CADPS: variants seen among roughly 807,000 people sequenced by gnomAD.
The protein encoded by CADPS is calcium-dependent secretion activator 1.
Under a neutral mutation model 167.3 loss-of-function variants are expected in CADPS, and 57 were observed. The observed-to-expected ratio is 0.34, with a 90% CI of 0.28 to 0.42. The LOEUF (loss-of-function observed/expected upper bound fraction) is 0.42, where lower values mean the gene tolerates loss of function less well. CADPS is among the 20% of genes least tolerant of loss of function. CADPS has a pLI of 1.00. For missense variants in CADPS, 1,414 were observed against 1,738.1 expected (o/e 0.81, Z 3.32); for synonymous variants, 676 against 635.3 (o/e 1.06, Z -0.96).
intron 21 of CADPS, among the ~76,000 whole-genome samples, chr3:62,482,705 G>T (rs1047329359): frequency 3.9e-5 from 6 of 152,180 alleles, no homozygotes; most frequent in Non-Finnish European, 5.9e-5. Flanking sequence ...TTGGAAGTGG[G>T]ACAGACACTG....
intron 3 of CADPS, among the ~76,000 whole-genome samples, chr3:62,696,707 C>A (rs940140381): frequency 6.6e-6 from 1 of 152,008 alleles, no homozygotes; most frequent in Non-Finnish European, 1.5e-5. Context: ...GCTAACAATT[C>A]TTGATGTTCG....
chr3:62,417,848 C>A lies in CADPS; in HGVS notation c.3778-14663G>T, dbSNP rs922096231. 1.6e-3 allele frequency among the ~76,000 whole-genome samples: 231 copies of A among 140,528 alleles called. 1 individual carries two copies. The highest frequency in any genetic ancestry group is 5.9e-3 in the East Asian group (28 of 4,708). 92.2% of individuals were successfully genotyped at this position (140,528 alleles called of 152,430 possible). A position where few individuals can be genotyped will look rare whatever the true frequency, so the allele number is the denominator to read the frequency against. On this transcript the variant is annotated intron_variant, in intron 28 of 29. Coordinates refer to ENST00000383710, the MANE Select transcript of CADPS (RefSeq NM_003716.4). ...ACTGTCTCTAAAACAAACAAACAAACAAAAAAAAACCTAGCAATAATAATA... is the reference window on the plus strand; with the variant it reads ...ACTGTCTCTAAAACAAACAAACAAAAAAAAAAAAACCTAGCAATAATAATA...
chr3:62,612,132 A>G (rs1377364973), intron 6 of CADPS, among the ~76,000 whole-genome samples: 1 of 152,220 alleles, frequency 6.6e-6, no homozygotes, highest in Non-Finnish European at 1.5e-5. Context: ...TTCATTCATT[A>G]TGTATAGAAT....
chr3:62,464,910 T>C (rs1340074850), intron 26 of CADPS, among the ~76,000 whole-genome samples: 1 of 152,208 alleles, frequency 6.6e-6, no homozygotes, highest in Non-Finnish European at 1.5e-5. Context: ...TCCTGATTTT[T>C]AAATGTAGGC....
chr3:62,409,104 T>C (rs114290142), intron 28 of CADPS, among the ~76,000 whole-genome samples: 1 of 152,364 alleles, frequency 6.6e-6, no homozygotes, highest in African/African-American at 2.4e-5. Flanking sequence ...AAGATGTTGA[T>C]ACTATTAACA....
At chr3:62,422,712 T>C (rs1041441011) in intron 28 of CADPS, among the ~76,000 whole-genome samples, 1 of 152,252 alleles carries the variant, frequency 6.6e-6, no homozygotes, top group Admixed American at 6.5e-5. Flanking sequence ...GCACAGATTG[T>C]ATAACCATGT....
intron 3 of CADPS, among the ~76,000 whole-genome samples, chr3:62,717,335 C>T (rs6809259): frequency 0.63 from 95,029 of 151,508 alleles, 30,310 homozygotes; most frequent in East Asian, 0.77. Flanking sequence ...TGGTGTTTAG[C>T]ATTTATTACA....
intron 13 of CADPS, among the ~76,000 whole-genome samples, chr3:62,522,814 T>A (rs543627877): frequency 1.3e-5 from 2 of 152,238 alleles, no homozygotes; most frequent in East Asian, 3.9e-4. Flanking sequence ...GCTTCTTTTA[T>A]ATCATGATCC....
At chr3:62,814,488 A>C (rs1486298477) in intron 1 of CADPS, 1 of 152,204 alleles carries the variant, frequency 6.6e-6, no homozygotes, top group African/African-American at 2.4e-5. Context: ...CGGTTCATAT[A>C]AAAATTTCTT....
At chr3:62,684,128 G>A (rs2077579014) in intron 3 of CADPS, among the ~76,000 whole-genome samples, 1 of 151,900 alleles carries the variant, frequency 6.6e-6, no homozygotes, top group East Asian at 1.9e-4. Context: ...AAGTTATTTG[G>A]AATTCTTTTG....
chr3:62,456,893 T>C (rs1008314791), intron 26 of CADPS, among the ~76,000 whole-genome samples: 1 of 151,920 alleles, frequency 6.6e-6, no homozygotes, highest in Non-Finnish European at 1.5e-5. Flanking sequence ...ACTTCGAACA[T>C]AGGAAGAGAA....
intron 8 of CADPS, among the ~76,000 whole-genome samples, chr3:62,581,810 T>C (rs1287751085): frequency 6.6e-6 from 1 of 152,144 alleles, no homozygotes. Flanking sequence ...TACCTAATCC[T>C]TGTGAGGTGG....
chr3:62,811,412 C>T (rs1246209520), intron 1 of CADPS, among the ~76,000 whole-genome samples: 2 of 152,146 alleles, frequency 1.3e-5, no homozygotes, highest in Non-Finnish European at 2.9e-5. Context: ...ACCATCCACA[C>T]CAGAAGCCTC....
intron 7 of CADPS, among the ~76,000 whole-genome samples, chr3:62,592,304 A>C (rs1396687548): frequency 2.6e-5 from 4 of 152,200 alleles, no homozygotes; most frequent in African/African-American, 4.8e-5. Flanking sequence ...GCAGGCAGTT[A>C]AATCATCTAA....
Position 62,438,145 on chromosome 3 carries a change from C to T in CADPS, c.3736G>A (p.Asp1246Asn), listed in dbSNP as rs781637391. The change falls in exon 28 of 30, where the codon GAT (aspartate) becomes AAT (asparagine). Residue 1246 changes from aspartate (D) to asparagine (N), a missense_variant. This residue lies in a region of CADPS where 185 missense variants were observed against 251.5 expected (regional missense o/e 0.74). Coordinates refer to ENST00000383710, the MANE Select transcript of CADPS (RefSeq NM_003716.4). This position sits in a 1 kb window ranked among gnomAD's most constrained non-coding sequence, Gnocchi z 4.7. ...FVRHSQDVLR[D>N]KVNEEMYIER... Reference sequence around the variant, plus strand: ...ATGTACATCTCCTCATTGACCTTATCACGCAGGACATCCTGAGAATGGCGG... The same window carrying T: ...ATGTACATCTCCTCATTGACCTTATTACGCAGGACATCCTGAGAATGGCGG... 1 of 1,613,656 alleles carries T rather than the reference C, an allele frequency of 6.2e-7. No individual in the cohort carries two copies. Among genetic ancestry groups the T allele is most frequent in the Non-Finnish European group, 8.5e-7 (1 of 1,179,628 alleles).
chr3:62,776,415 C>T (rs62242364), intron 1 of CADPS, among the ~76,000 whole-genome samples: 65,810 of 151,594 alleles, frequency 0.43, 16,481 homozygotes, highest in East Asian at 0.81. Flanking sequence ...AGCACTTCGG[C>T]GGGCCGAAGC....
At chr3:62,792,910 T>C (rs1199112737) in intron 1 of CADPS, among the ~76,000 whole-genome samples, 1 of 152,212 alleles carries the variant, frequency 6.6e-6, no homozygotes, top group African/African-American at 2.4e-5. Context: ...CAAATATTTA[T>C]TGATAACTTA....
At chr3:62,557,891 G>C (rs1238279751) in intron 9 of CADPS, among the ~76,000 whole-genome samples, 1 of 152,200 alleles carries the variant, frequency 6.6e-6, no homozygotes, top group East Asian at 1.9e-4. Flanking sequence ...GGTCAAAAGT[G>C]GTTAAACGAC....
intron 9 of CADPS, among the ~76,000 whole-genome samples, chr3:62,569,739 C>T (rs769409996): frequency 2.0e-5 from 3 of 152,202 alleles, no homozygotes; most frequent in Non-Finnish European, 4.4e-5. Context: ...GAACCTTTGT[C>T]ACTCAGTTCC....
Sources: allele counts gnomAD v4.1 joint callset (sites outside exome capture counted in the v4.1 genomes callset), GRCh38; gene constraint gnomAD v4.1.1; regional missense constraint gnomAD v4.1.1; non-coding constraint Gnocchi (gnomAD v3.1); transcripts MANE v1.5; gene names NCBI Gene and HGNC (gene_info 2026-07-23, HGNC 2026-07-21).